The following TMEM117 variants were observed in gnomAD, a reference collection of about 807,000 sequenced individuals.
TMEM117 encodes transmembrane protein 117.
Under a neutral mutation model 52.4 loss-of-function variants are expected in TMEM117, and 27 were observed. The ratio of observed to expected loss-of-function variants is 0.51; its 90% CI spans 0.38 to 0.71. TMEM117 has a LOEUF of 0.71. Among genes scored for constraint, TMEM117 ranks in the 30% least tolerant of loss-of-function variants. The pLI is 0.00. For missense variants in TMEM117, 556 were observed against 630.5 expected (o/e 0.88, Z 1.26); for synonymous variants, 215 against 206.3 (o/e 1.04, Z -0.36).
chr12:43,917,710 A>G (rs751761463), intron 2 of TMEM117, among the ~76,000 whole-genome samples: 2 of 152,140 alleles, frequency 1.3e-5, no homozygotes, highest in East Asian at 3.9e-4. Context: ...TTTCAAACCA[A>G]TTCTTTTATA....
At chr12:44,209,019 A>C (rs1181884352) in intron 4 of TMEM117, among the ~76,000 whole-genome samples, 2 of 152,082 alleles carry the variant, frequency 1.3e-5, no homozygotes, top group African/African-American at 4.8e-5. Context: ...AATCTTTTAA[A>C]AGTCTAATGC....
chr12:43,866,229 G>A (rs1943595804), intron 2 of TMEM117, among the ~76,000 whole-genome samples: 2 of 151,700 alleles, frequency 1.3e-5, no homozygotes, highest in Admixed American at 6.6e-5. Context: ...TCACGAACAA[G>A]GGAGGCCAGA....
intron 6 of TMEM117, among the ~76,000 whole-genome samples, chr12:44,308,619 CT>C (rs35047531): frequency 0.048 from 6,680 of 137,842 alleles, 136 homozygotes; most frequent in African/African-American, 0.071. Context: ...TTCTTTGTAA[CT>C]TTTTTTTTTT....
At position 43,875,858 on chromosome 12, in the gene TMEM117, GT is replaced by G. The variant is rs527447743; in HGVS notation, c.277+30939del. ...TTCTCTCTTCCCCATTATATATTACGTTTTTTTTTCCCCTGGGATGATATGA... is the reference window on the plus strand; with the variant it reads ...TTCTCTCTTCCCCATTATATATTACGTTTTTTTTCCCCTGGGATGATATGA... On this transcript the variant is annotated intron_variant, in intron 2 of 7. Transcript: ENST00000266534. 7.6e-3 allele frequency among the ~76,000 whole-genome samples: 1,148 copies of G among 151,116 alleles called. 23 individuals are homozygous for G. The highest frequency in any genetic ancestry group is 0.026 in the African/African-American group (1,072 of 41,182).
rs182114226 is a variant in TMEM117, at chr12:44,194,106, C to T, written c.511-17184C>T. Among the ~76,000 whole-genome samples, 118 of 152,088 alleles carry T rather than the reference C, an allele frequency of 7.8e-4. 1 individual carries two copies. Among genetic ancestry groups the T allele is most frequent in the African/African-American group, 2.7e-3 (114 of 41,480 alleles). The stretch of plus-strand genomic sequence containing the variant: ...GAAAGACTGAACCATTTGAAAATGA[C>T]CCAAACAGCACTTTTAGGAATACAA... On this transcript the variant is annotated intron_variant, in intron 4 of 7. Coordinates refer to ENST00000266534, the MANE Select transcript of TMEM117 (RefSeq NM_032256.3).
chr12:43,797,474 T>A, the TMEM117 span: 1 of 1,546,008 alleles, frequency 6.5e-7, no homozygotes, highest in South Asian at 1.2e-5. Context: ...AAACAAAATA[T>A]GTTCATTAAA....
chr12:43,889,180 A>G (rs1196419555), intron 2 of TMEM117, among the ~76,000 whole-genome samples: 1 of 150,920 alleles, frequency 6.6e-6, no homozygotes, highest in Non-Finnish European at 1.5e-5. Context: ...CCTCCCGGGT[A>G]CAAGCAATTC....
At chr12:44,306,607 T>C (rs1029316561) in intron 6 of TMEM117, among the ~76,000 whole-genome samples, 1 of 152,206 alleles carries the variant, frequency 6.6e-6, no homozygotes, top group East Asian at 1.9e-4. Flanking sequence ...CCTCCTATAA[T>C]GTGTAAGCTC....
At chr12:43,833,254 C>T (rs1942992618), upstream of TMEM117, among the ~76,000 whole-genome samples, 1 of 152,072 alleles carries the variant, frequency 6.6e-6, no homozygotes, top group Non-Finnish European at 1.5e-5. Context: ...TAAGTGATGC[C>T]AGACATTTCG....
Position 43,933,350 on chromosome 12 carries a change from G to A in TMEM117, c.278-10860G>A, listed in dbSNP as rs188107394. ...CGAGTAGCTGGGACTACAGGCGCCA[G>A]CCACCTCGCCCGGCTAATTTTTTTG... On this transcript the variant is annotated intron_variant, in intron 2 of 7. Coordinates refer to ENST00000266534, the MANE Select transcript of TMEM117 (RefSeq NM_032256.3). Among the ~76,000 whole-genome samples the A allele has an allele frequency of 5.4e-3, 823 of 151,916 alleles. 4 individuals are homozygous for A. The highest frequency in any genetic ancestry group is 8.6e-3 in the Non-Finnish European group (585 of 67,962).
At chr12:44,214,459 C>T (rs1456926986) in intron 5 of TMEM117, among the ~76,000 whole-genome samples, 2 of 152,102 alleles carry the variant, frequency 1.3e-5, no homozygotes, top group Non-Finnish European at 2.9e-5. Flanking sequence ...TGAGCCACCA[C>T]ACCCGGCCTC....
chr12:44,150,110 A>G (rs1948699848), intron 4 of TMEM117, among the ~76,000 whole-genome samples: 1 of 152,144 alleles, frequency 6.6e-6, no homozygotes, highest in Admixed American at 6.5e-5. Context: ...AGTTAACCTC[A>G]TGTTTGGTAC....
chr12:44,376,827 C>T lies in TMEM117; in HGVS notation c.898+103C>T, dbSNP rs142672356. On this transcript the variant is annotated intron_variant, in intron 7 of 7. Transcript: ENST00000266534. ...CCATAATATTTGAGAGGCATAAATA[C>T]AATGTTATTTCTCATTCACTTAACA... 2.5e-4 allele frequency: 318 copies of T among 1,249,640 alleles called. 1 individual carries two copies. Among genetic ancestry groups the T allele is most frequent in the South Asian group, 1.3e-3 (78 of 62,204 alleles). The allele number at this position is 1,249,640 out of a possible 1,614,324, so 77.4% of individuals were successfully genotyped here. A position where few individuals can be genotyped will look rare whatever the true frequency, so the allele number is the denominator to read the frequency against.
At chr12:44,086,942 A>T (rs1405205924) in intron 3 of TMEM117, among the ~76,000 whole-genome samples, 1 of 147,684 alleles carries the variant, frequency 6.8e-6, no homozygotes, top group African/African-American at 2.5e-5. Context: ...TATAATTATA[A>T]ATTATATAAT....
At chr12:43,982,611 T>C (rs1437715042) in intron 3 of TMEM117, among the ~76,000 whole-genome samples, 1 of 152,246 alleles carries the variant, frequency 6.6e-6, no homozygotes, top group Non-Finnish European at 1.5e-5. Flanking sequence ...TATTTTCTGC[T>C]TAGCTCATTC....
intron 3 of TMEM117, among the ~76,000 whole-genome samples, chr12:44,134,422 C>T (rs917497877): frequency 1.3e-5 from 2 of 152,132 alleles, no homozygotes; most frequent in African/African-American, 4.8e-5. Context: ...CTATGTTTCC[C>T]AGGCTTAACA....
intron 5 of TMEM117, among the ~76,000 whole-genome samples, chr12:44,242,534 C>T (rs1265472731): frequency 6.6e-6 from 1 of 151,650 alleles, no homozygotes; most frequent in Non-Finnish European, 1.5e-5. Context: ...TTTATTCAAT[C>T]TGTCATTGAT....
chr12:44,322,193 G>C (rs1193797999), intron 6 of TMEM117, among the ~76,000 whole-genome samples: 2 of 152,220 alleles, frequency 1.3e-5, no homozygotes, highest in Non-Finnish European at 2.9e-5. Flanking sequence ...CTACCCAGAT[G>C]TTGTTACTTC....
At chr12:43,926,074 T>A (rs1032142510) in intron 2 of TMEM117, among the ~76,000 whole-genome samples, 2 of 152,222 alleles carry the variant, frequency 1.3e-5, no homozygotes, top group Non-Finnish European at 2.9e-5. Flanking sequence ...AATATATGTT[T>A]AGAAAAATTC....
Sources: gnomAD v4.1 joint callset for allele counts (sites outside exome capture counted in the v4.1 genomes callset) on GRCh38, gnomAD v4.1.1 for gene constraint, MANE v1.5 for transcripts, NCBI Gene and HGNC (gene_info 2026-07-23, HGNC 2026-07-21) for gene names.